The following LRP1B variants were observed in gnomAD, a reference collection of about 807,000 sequenced individuals.
LRP1B encodes LDL receptor related protein 1B.
Under a neutral mutation model 556.6 loss-of-function variants are expected in LRP1B, and 217 were observed. The ratio of observed to expected loss-of-function variants is 0.39; its 90% CI spans 0.35 to 0.44. The LOEUF (loss-of-function observed/expected upper bound fraction) is 0.44, where lower values mean the gene tolerates loss of function less well. Ranked by LOEUF, LRP1B falls within the 20% of genes least tolerant of loss-of-function variation. The probability of loss-of-function intolerance (pLI) is 1.00; values close to 1 mark genes in which losing one functional copy is unlikely to be tolerated. For missense variants in LRP1B, 5,053 were observed against 5,620.8 expected (o/e 0.90, Z 3.23); for synonymous variants, 2,047 against 1,865.8 (o/e 1.10, Z -2.50).
chr2:142,049,954 T>C lies in LRP1B; in HGVS notation c.82+80694A>G, dbSNP rs1048195617. 2.6e-5 allele frequency among the ~76,000 whole-genome samples: 4 copies of C among 152,248 alleles called. No individual in the cohort carries two copies. In the South Asian group the frequency reaches 8.3e-4, roughly 32 times the overall value. On this transcript the variant is annotated intron_variant, in intron 1 of 90. Coordinates refer to ENST00000389484, the MANE Select transcript of LRP1B (RefSeq NM_018557.3). ...AGCACTTCTATCGCATGGCCACCAA[T>C]GCTAAGCTTTATGACCGAGGAAATC...
intron 44 of LRP1B, 86 bp downstream of exon 44, chr2:140,541,693 C>A: frequency 6.6e-6 from 7 of 1,060,680 alleles, no homozygotes; most frequent in East Asian, 5.1e-5. Context: ...AAAGCAAATC[C>A]AACTATTACT....
chr2:140,601,751 T>C, intron 41 of LRP1B, 112 bp from the exon 42 acceptor site: 1 of 591,082 alleles, frequency 1.7e-6, no homozygotes, highest in South Asian at 5.5e-5. Context: ...ATCAACCATT[T>C]CTCCACAAAA....
At chr2:141,461,944 G>A (rs113759046) in intron 3 of LRP1B, among the ~76,000 whole-genome samples, 166 of 152,154 alleles carry the variant, frequency 1.1e-3, no homozygotes, top group African/African-American at 3.7e-3. Flanking sequence ...TCCTTACCTA[G>A]GCCAGATTAA....
intron 6 of LRP1B, among the ~76,000 whole-genome samples, chr2:141,189,780 A>T (rs1681421742): frequency 6.6e-6 from 1 of 151,996 alleles, no homozygotes; most frequent in Admixed American, 6.6e-5. Context: ...TTTAAATGAC[A>T]TAGGTAGCTA....
chr2:142,115,652 T>TA lies in LRP1B; in HGVS notation c.82+14995_82+14996insT, dbSNP rs1491142214. ...ATATATTATATATGTAATATATATATTATATGTAATATATATATGTAATAT... is the reference window on the plus strand; with the variant it reads ...ATATATTATATATGTAATATATATATATATATGTAATATATATATGTAATAT... On this transcript the variant is annotated intron_variant, in intron 1 of 90. Transcript: ENST00000389484. 1.8e-3 allele frequency among the ~76,000 whole-genome samples: 11 copies of TA among 6,264 alleles called. 2 individuals carry two copies. The highest frequency in any genetic ancestry group is 5.0e-3 in the South Asian group (1 of 202). The allele number at this position is 6,264 out of a possible 152,430, so 4.1% of individuals were successfully genotyped here.
chr2:140,762,476 T>G (rs1285336134), intron 35 of LRP1B, among the ~76,000 whole-genome samples: 1 of 152,166 alleles, frequency 6.6e-6, no homozygotes, highest in Non-Finnish European at 1.5e-5. Flanking sequence ...AAGGGTTTTT[T>G]TTGTTATTTT....
intron 35 of LRP1B, among the ~76,000 whole-genome samples, chr2:140,749,172 T>G (rs1210994286): frequency 6.6e-6 from 1 of 151,988 alleles, no homozygotes; most frequent in East Asian, 1.9e-4. Context: ...TATAAAACAT[T>G]TATCACAAAA....
At chr2:140,444,769 T>A in intron 63 of LRP1B, 90 bp from the exon 64 acceptor site, 2 of 753,238 alleles carry the variant, frequency 2.7e-6, no homozygotes, top group Non-Finnish European at 4.6e-6. Context: ...ATATTTACTA[T>A]AATAAATATA....
At chr2:141,818,023 A>T (rs921459469) in intron 1 of LRP1B, among the ~76,000 whole-genome samples, 2 of 152,172 alleles carry the variant, frequency 1.3e-5, no homozygotes, top group Non-Finnish European at 2.9e-5. Flanking sequence ...TATTAGGGAA[A>T]CACTGTGACT....
intron 31 of LRP1B, among the ~76,000 whole-genome samples, chr2:140,830,088 A>T (rs966077150): frequency 6.6e-6 from 1 of 152,052 alleles, no homozygotes; most frequent in Non-Finnish European, 1.5e-5. Context: ...CAGACCAGTA[A>T]TGAGTAATGA....
intron 1 of LRP1B, among the ~76,000 whole-genome samples, chr2:142,031,335 T>A (rs760979966): frequency 0.018 from 2,519 of 136,644 alleles, 172 homozygotes; most frequent in African/African-American, 0.047. Context: ...TACTTATTTT[T>A]TTTTTTTTTT....
intron 35 of LRP1B, among the ~76,000 whole-genome samples, chr2:140,724,798 T>A: frequency 4.4e-5 from 1 of 22,556 alleles, no homozygotes; most frequent in East Asian, 1.5e-3. Context: ...CTTGTTTTAA[T>A]TATCGAGATA....
At chr2:142,011,847 G>A (rs758375899) in intron 1 of LRP1B, among the ~76,000 whole-genome samples, 1 of 152,050 alleles carries the variant, frequency 6.6e-6, no homozygotes, top group Non-Finnish European at 1.5e-5. Flanking sequence ...AAAATTTTTA[G>A]ATCTCAAGTA....
chr2:141,277,209 C>T (rs141878972), intron 3 of LRP1B, among the ~76,000 whole-genome samples: 71 of 152,266 alleles, frequency 4.7e-4, no homozygotes, highest in African/African-American at 1.6e-3. Flanking sequence ...TTTGAGAAAT[C>T]GCCAACCTAC....
At chr2:140,967,450 G>A (rs113547642) in intron 18 of LRP1B, among the ~76,000 whole-genome samples, 122,186 of 151,998 alleles carry the variant, frequency 0.8, 49,834 homozygotes, top group Non-Finnish European at 0.87. Flanking sequence ...CTGAGATCAC[G>A]GGGTTTTCTA....
At chr2:140,835,623 C>T (rs2171172) in intron 31 of LRP1B, among the ~76,000 whole-genome samples, 9,319 of 152,120 alleles carry the variant, frequency 0.061, 357 homozygotes, top group African/African-American at 0.1. Flanking sequence ...CTGCAACCTC[C>T]GCCTCCCAGG....
At chr2:140,284,320 G>A (rs187255879) in intron 84 of LRP1B, among the ~76,000 whole-genome samples, 87 of 90,100 alleles carry the variant, frequency 9.7e-4, no homozygotes, top group African/African-American at 3.7e-3. Context: ...AAAAAAAACC[G>A]TTTTTCAGAG....
At chr2:142,130,532 G>T in intron 1 of LRP1B, 116 bp downstream of exon 1, 1 of 851,806 alleles carries the variant, frequency 1.2e-6, no homozygotes, top group Non-Finnish European at 1.8e-6. Flanking sequence ...GTGGTCACCC[G>T]GTCCCGGGGA....
intron 7 of LRP1B, among the ~76,000 whole-genome samples, chr2:141,086,615 TATTTGTGTGTG>T (rs1356555203): frequency 6.0e-5 from 5 of 82,808 alleles, no homozygotes; most frequent in Non-Finnish European, 9.5e-5. Flanking sequence ...GTTAGTATAA[TATTTGTGTGTG>T]TGTGTGTGTG....
Sources: allele counts gnomAD v4.1 joint callset (sites outside exome capture counted in the v4.1 genomes callset), GRCh38; gene constraint gnomAD v4.1.1; transcripts MANE v1.5; gene names NCBI Gene and HGNC (gene_info 2026-07-23, HGNC 2026-07-21).